The following ZFHX3 variants were observed in gnomAD, a reference collection of about 807,000 sequenced individuals.
ZFHX3 encodes zinc finger homeobox 3, also known as zinc finger homeobox protein 3.
A neutral mutation model predicts 279.1 loss-of-function variants in ZFHX3; 42 were observed. That is an observed-to-expected ratio of 0.15 (90% CI 0.12 to 0.19). The LOEUF is 0.19. Ranked by LOEUF, ZFHX3 falls within the 10% of genes least tolerant of loss-of-function variation. The pLI, the probability that ZFHX3 is intolerant of heterozygous loss-of-function variation, is 1.00. For synonymous variants in ZFHX3, 2,293 were observed against 1,957.8 expected (o/e 1.17, Z -4.52); for missense variants, 4,981 against 4,754.0 (o/e 1.05, Z -1.40).
chr16:73,800,841 T>C (rs1960125653), intron 1 of ZFHX3, among the ~76,000 whole-genome samples: 1 of 152,124 alleles, frequency 6.6e-6, no homozygotes, highest in Non-Finnish European at 1.5e-5. Flanking sequence ...CATCCTTCTG[T>C]GTGAGAGCAG....
chr16:73,586,424 AC>A (rs1169765122), intron 2 of ZFHX3, among the ~76,000 whole-genome samples: 7 of 149,688 alleles, frequency 4.7e-5, no homozygotes, highest in Non-Finnish European at 8.9e-5. Context: ...AAACAAACAA[AC>A]AAAAAAACAT....
chr16:72,849,429 C>G (rs80212509), intron 4 of ZFHX3, among the ~76,000 whole-genome samples: 1 of 152,152 alleles, frequency 6.6e-6, no homozygotes, highest in Non-Finnish European at 1.5e-5. Flanking sequence ...AATGTGCTTA[C>G]GTTTGGAATA....
chr16:73,544,395 C>T (rs2020074945), intron 2 of ZFHX3, among the ~76,000 whole-genome samples: 1 of 152,170 alleles, frequency 6.6e-6, no homozygotes, highest in African/African-American at 2.4e-5. Context: ...AAAAGCCCAC[C>T]AATCAGGCCT....
At chr16:72,965,036 T>G (rs1204939872) in intron 1 of ZFHX3, among the ~76,000 whole-genome samples, 1 of 151,172 alleles carries the variant, frequency 6.6e-6, no homozygotes, top group African/African-American at 2.4e-5. Flanking sequence ...CACCACCACG[T>G]CTGGCTAACT....
intron 3 of ZFHX3, among the ~76,000 whole-genome samples, chr16:73,357,897 GACTTCGC>G (rs2016371182): frequency 1.3e-5 from 2 of 152,134 alleles, no homozygotes; most frequent in African/African-American, 4.8e-5. Context: ...ATCCTTCAGG[GACTTCGC>G]ACTGCTCTCA....
intron 3 of ZFHX3, among the ~76,000 whole-genome samples, chr16:73,434,871 C>T (rs892671275): frequency 1.3e-5 from 2 of 152,128 alleles, no homozygotes; most frequent in Admixed American, 6.5e-5. Flanking sequence ...AGTCAGTGGC[C>T]GGCATGGCTA....
chr16:73,041,622 T>C (rs913333261), intron 1 of ZFHX3, among the ~76,000 whole-genome samples: 4 of 152,118 alleles, frequency 2.6e-5, no homozygotes, highest in Admixed American at 2.0e-4. Flanking sequence ...CAAGATTCCA[T>C]CAGAACAGAG....
chr16:73,438,396 G>A (rs2018031360), intron 3 of ZFHX3, among the ~76,000 whole-genome samples: 1 of 152,136 alleles, frequency 6.6e-6, no homozygotes, highest in African/African-American at 2.4e-5. Context: ...AACTCATAAT[G>A]GCCCAAATGC....
intron 2 of ZFHX3, among the ~76,000 whole-genome samples, chr16:73,636,646 C>T (rs575664379): frequency 7.2e-5 from 11 of 151,978 alleles, no homozygotes; most frequent in Non-Finnish European, 1.3e-4. Flanking sequence ...ATCTCATTCA[C>T]CATGGGAATT....
At chr16:73,119,838 A>G (rs1043725057) in intron 7 of ZFHX3, among the ~76,000 whole-genome samples, 2 of 151,794 alleles carry the variant, frequency 1.3e-5, no homozygotes, top group Non-Finnish European at 2.9e-5. Flanking sequence ...AACACCTTGC[A>G]TGGTTTATAC....
At chr16:73,649,142 G>C (rs1306355407) in intron 2 of ZFHX3, among the ~76,000 whole-genome samples, 2 of 152,226 alleles carry the variant, frequency 1.3e-5, no homozygotes, top group African/African-American at 4.8e-5. Context: ...CTCTGCTTCA[G>C]AGAGAACAAG....
intron 1 of ZFHX3, among the ~76,000 whole-genome samples, chr16:73,816,704 A>G (rs1960583592): frequency 6.6e-6 from 1 of 152,164 alleles, no homozygotes; most frequent in Admixed American, 6.5e-5. Context: ...TAGCTTTCCA[A>G]ACAGAGAGAA....
At chr16:73,587,252 T>C (rs1057407100) in intron 2 of ZFHX3, among the ~76,000 whole-genome samples, 18 of 152,150 alleles carry the variant, frequency 1.2e-4, no homozygotes, top group African/African-American at 4.1e-4. Flanking sequence ...ATAGGGAAGG[T>C]GAAAAATTTA....
chr16:73,668,332 T>G (rs1185802382), intron 2 of ZFHX3, among the ~76,000 whole-genome samples: 2 of 152,038 alleles, frequency 1.3e-5, no homozygotes, highest in African/African-American at 4.8e-5. Flanking sequence ...ATACTTTAAG[T>G]TCTGGGATAC....
chr16:73,517,901 A>G (rs773466593), intron 2 of ZFHX3, among the ~76,000 whole-genome samples: 16 of 152,234 alleles, frequency 1.1e-4, no homozygotes, highest in Non-Finnish European at 2.9e-5. Flanking sequence ...TAGCCACATT[A>G]AAAAACATAA....
intron 9 of ZFHX3, chr16:72,789,058 C>T: frequency 2.1e-6 from 1 of 466,558 alleles, no homozygotes; most frequent in Non-Finnish European, 3.7e-6. Context: ...AGGTCAGCTC[C>T]CATACTTCCC....
rs765223948 is a variant in ZFHX3 at position 72,793,342 on chromosome 16, C to T, written c.9340G>A (p.Ala3114Thr). 3.7e-6 allele frequency: 6 copies of T among 1,614,060 alleles called. No homozygotes were observed. The Admixed American group carries it at 6.7e-5, about 18-fold the overall frequency. Residue 3114 changes from alanine (A) to threonine (T), a missense_variant, in exon 9 of 10, where the codon GCA (alanine) becomes ACA (threonine). By Grantham distance (58) the Ala-to-Thr change is moderately conservative. Transcript: ENST00000268489. This position sits in a 1 kb window ranked among gnomAD's most constrained non-coding sequence, Gnocchi z 4.3. ...GGAATGCCCTGGAGCGCTGGATATG[C>T]TGTAGGAAGGTTAAGGGCCTGAAGA... ...TPLQALNLPT[A>T]YPALQGIPPV... is the part of the protein sequence containing the mutation.
intron 3 of ZFHX3, among the ~76,000 whole-genome samples, chr16:73,423,395 C>CT (rs762056204): frequency 2.0e-5 from 3 of 152,180 alleles, no homozygotes; most frequent in Non-Finnish European, 4.4e-5. Context: ...CCCCTTCATC[C>CT]TTTTTTGACT....
intron 4 of ZFHX3, among the ~76,000 whole-genome samples, chr16:72,854,632 C>T (rs1006423145): frequency 2.0e-5 from 3 of 152,058 alleles, no homozygotes; most frequent in Non-Finnish European, 4.4e-5. Context: ...AAACCACAAA[C>T]TTTTTGCTTT....
Sources: gnomAD v4.1 joint callset for allele counts (sites outside exome capture counted in the v4.1 genomes callset) on GRCh38, gnomAD v4.1.1 for gene constraint, Gnocchi (gnomAD v3.1) non-coding constraint, MANE v1.5 for transcripts, NCBI Gene and HGNC (gene_info 2026-07-23, HGNC 2026-07-21) for gene names.